The following FHIT variants were observed in gnomAD, a reference collection of about 807,000 sequenced individuals.
FHIT encodes the protein bis(5'-adenosyl)-triphosphatase.
Under a neutral mutation model 17.9 loss-of-function variants are expected in FHIT, and 19 were observed. That is an observed-to-expected ratio of 1.06 (90% CI 0.74 to 1.56). The LOEUF is 1.56. FHIT is among the 40% of genes most tolerant of loss of function. The pLI is 0.00. For synonymous variants in FHIT, 81 were observed against 69.7 expected, an observed-to-expected ratio of 1.16 and a Z score of -0.81; for missense variants, 248 against 189.2, an observed-to-expected ratio of 1.31 and a Z score of -1.82.
chr3:60,294,819 C>T (rs922763378), intron 5 of FHIT, among the ~76,000 whole-genome samples: 19 of 152,068 alleles, frequency 1.2e-4, no homozygotes, highest in African/African-American at 4.1e-4. Flanking sequence ...TGGCTTTTTA[C>T]GCTCAGTGAA....
At chr3:60,251,186 A>G (rs1009353034) in intron 5 of FHIT, among the ~76,000 whole-genome samples, 19 of 152,236 alleles carry the variant, frequency 1.2e-4, no homozygotes, top group African/African-American at 3.9e-4. Flanking sequence ...AAAGTATACC[A>G]TATCCATAAA....
chr3:59,961,163 C>T (rs930618471), intron 7 of FHIT, among the ~76,000 whole-genome samples: 4 of 152,104 alleles, frequency 2.6e-5, no homozygotes, highest in African/African-American at 9.7e-5. Flanking sequence ...GGAACACTAG[C>T]TATTAGGGCC....
intron 7 of FHIT, among the ~76,000 whole-genome samples, chr3:59,941,861 G>C (rs1054793654): frequency 6.6e-6 from 1 of 152,190 alleles, no homozygotes; most frequent in Non-Finnish European, 1.5e-5. Flanking sequence ...TAAGGGCTGA[G>C]GATGAAGTGG....
chr3:60,527,998 G>C (rs1035045194), intron 5 of FHIT, among the ~76,000 whole-genome samples: 17 of 152,200 alleles, frequency 1.1e-4, no homozygotes, highest in Non-Finnish European at 2.1e-4. Flanking sequence ...GTTTCAGAAA[G>C]GTTCTTGCTC....
At chr3:60,287,742 G>T (rs899735492) in intron 5 of FHIT, among the ~76,000 whole-genome samples, 1 of 152,060 alleles carries the variant, frequency 6.6e-6, no homozygotes, top group African/African-American at 2.4e-5. Flanking sequence ...GAAGGAAAAG[G>T]AAAAGAAAGG....
intron 3 of FHIT, among the ~76,000 whole-genome samples, chr3:60,915,519 G>A (rs1399278707): frequency 2.0e-5 from 3 of 152,174 alleles, no homozygotes; most frequent in East Asian, 3.9e-4. Context: ...GGATTTGAAT[G>A]ATTTTGCCAT....
In FHIT at chr3:60,659,137, C is replaced by T. The variant is rs2040183596; in HGVS notation, c.-17-122158G>A. ...GACTCCTACATTTCTGACAATAATT[C>T]TGATAATCGTATTGATGATTCCTTC... On this transcript the variant is annotated intron_variant, in intron 4 of 9. Coordinates refer to ENST00000492590, the MANE Select transcript of FHIT (RefSeq NM_002012.4). Among the ~76,000 whole-genome samples, 4 of 152,092 alleles carry T rather than the reference C, an allele frequency of 2.6e-5. No homozygotes were observed. The South Asian group carries it at 8.3e-4, about 32-fold the overall frequency.
intron 5 of FHIT, among the ~76,000 whole-genome samples, chr3:60,354,636 G>A (rs1213349157): frequency 1.3e-5 from 2 of 149,578 alleles, no homozygotes; most frequent in Non-Finnish European, 3.0e-5. Flanking sequence ...TCACTGCTGA[G>A]AGTGAATATA....
At chr3:60,860,712 T>C (rs1430692151) in intron 3 of FHIT, among the ~76,000 whole-genome samples, 1 of 109,120 alleles carries the variant, frequency 9.2e-6, no homozygotes, top group African/African-American at 3.4e-5. Context: ...CATATGTACA[T>C]ATATATCAGG....
intron 8 of FHIT, among the ~76,000 whole-genome samples, chr3:59,870,397 C>A (rs941640993): frequency 6.6e-6 from 1 of 152,152 alleles, no homozygotes; most frequent in Non-Finnish European, 1.5e-5. Context: ...CTCTTTTTAG[C>A]CTCCTTTTGT....
intron 5 of FHIT, among the ~76,000 whole-genome samples, chr3:60,111,853 T>G (rs564918950): frequency 6.6e-6 from 1 of 152,156 alleles, no homozygotes; most frequent in Non-Finnish European, 1.5e-5. Context: ...CATCTCCCCA[T>G]TGACATCTAA....
intron 4 of FHIT, among the ~76,000 whole-genome samples, chr3:60,586,685 T>C (rs957547360): frequency 6.6e-6 from 1 of 151,976 alleles, no homozygotes; most frequent in Non-Finnish European, 1.5e-5. Context: ...AGATCACGTC[T>C]TTTGCAGAAA....
chr3:61,131,730 A>G (rs2036770995), intron 2 of FHIT, among the ~76,000 whole-genome samples: 1 of 152,210 alleles, frequency 6.6e-6, no homozygotes, highest in Non-Finnish European at 1.5e-5. Context: ...CTGAAACTCA[A>G]AAAAGGTTTC....
At chr3:60,013,010 G>A (rs1044473371) in intron 6 of FHIT, among the ~76,000 whole-genome samples, 2 of 152,138 alleles carry the variant, frequency 1.3e-5, no homozygotes, top group African/African-American at 4.8e-5. Context: ...GCCTGAAGGG[G>A]ACTCAAATGG....
intron 8 of FHIT, among the ~76,000 whole-genome samples, chr3:59,759,788 C>A (rs1052110715): frequency 1.3e-5 from 2 of 152,116 alleles, no homozygotes; most frequent in Admixed American, 6.6e-5. Context: ...CTGGCGCCCA[C>A]GCTGGACTTT....
intron 3 of FHIT, among the ~76,000 whole-genome samples, chr3:60,999,985 T>A (rs761845767): frequency 6.6e-6 from 1 of 152,058 alleles, no homozygotes; most frequent in Non-Finnish European, 1.5e-5. Context: ...TAGGCACTAA[T>A]CCCATCCATG....
At chr3:60,298,596 T>C (rs1028633613) in intron 5 of FHIT, among the ~76,000 whole-genome samples, 2 of 152,162 alleles carry the variant, frequency 1.3e-5, no homozygotes, top group Non-Finnish European at 1.5e-5. Context: ...GTTAAGTATG[T>C]TACTTTTTTG....
intron 3 of FHIT, among the ~76,000 whole-genome samples, chr3:60,838,181 T>G (rs149043057): frequency 4.3e-4 from 66 of 152,310 alleles, no homozygotes; most frequent in African/African-American, 1.6e-3. Context: ...GCAAATTCTT[T>G]TAGTTTTCCG....
At chr3:60,670,076 G>C (rs989529570) in intron 4 of FHIT, among the ~76,000 whole-genome samples, 6 of 152,070 alleles carry the variant, frequency 3.9e-5, no homozygotes, top group Non-Finnish European at 4.4e-5. Flanking sequence ...TTTCAGAAAC[G>C]ATCTTTCTCT....
Sources: gnomAD v4.1 joint callset for allele counts (sites outside exome capture counted in the v4.1 genomes callset) on GRCh38, gnomAD v4.1.1 for gene constraint, MANE v1.5 for transcripts, NCBI Gene and HGNC (gene_info 2026-07-23, HGNC 2026-07-21) for gene names.